The following DHRSX variants were observed in gnomAD, a reference collection of about 807,000 sequenced individuals.
DHRSX encodes the protein dehydrogenase/reductase X-linked, also known as polyprenol dehydrogenase.
In DHRSX, 31 loss-of-function variants were observed where a neutral mutation model predicts 34.0. The ratio of observed to expected loss-of-function variants is 0.91; its 90% CI spans 0.69 to 1.23. The LOEUF is 1.23. DHRSX is among the 50% of genes most tolerant of loss of function. The probability of loss-of-function intolerance (pLI) is 0.00; values close to 1 mark genes in which losing one functional copy is unlikely to be tolerated. For synonymous variants in DHRSX, 201 were observed against 183.8 expected, an observed-to-expected ratio of 1.09 and a Z score of -0.76; for missense variants, 414 against 428.1, an observed-to-expected ratio of 0.97 and a Z score of 0.29.
intron 3 of DHRSX, among the ~76,000 whole-genome samples, chrX:2,384,441 C>T (rs1455864757): frequency 2.0e-5 from 3 of 151,966 alleles, no homozygotes; most frequent in Non-Finnish European, 2.9e-5. Context: ...TACGAGGAAA[C>T]GCTGAGGAAA....
At chrX:2,346,422 T>C (rs1403595945) in intron 3 of DHRSX, among the ~76,000 whole-genome samples, 1 of 152,094 alleles carries the variant, frequency 6.6e-6, no homozygotes. Context: ...TGCAAATCAG[T>C]GTATTTTTCA....
intron 3 of DHRSX, among the ~76,000 whole-genome samples, chrX:2,381,243 TGAGGGTGG>T (rs1228276145): frequency 6.6e-6 from 1 of 152,150 alleles, no homozygotes; most frequent in Non-Finnish European, 1.5e-5. Flanking sequence ...GATGAGGTCA[TGAGGGTGG>T]GGCCTCAGGA....
intron 5 of DHRSX, among the ~76,000 whole-genome samples, chrX:2,249,000 T>C (rs1402799130): frequency 6.6e-6 from 1 of 152,146 alleles, no homozygotes; most frequent in African/African-American, 2.4e-5. Context: ...CTTTTGCAAG[T>C]TGATTTTTCA....
Position 2,388,956 on chromosome X carries a change from G to A in DHRSX, c.286+19789C>T, listed in dbSNP as rs191074226. 9.3e-3 allele frequency among the ~76,000 whole-genome samples: 1,418 copies of A among 152,274 alleles called. 85 individuals carry two copies. The East Asian group carries it at 0.11, about 11-fold the overall frequency. ...TGTGAGGACACAGGGAGAAGACGGCGTCTACAAGCCAGAGAGAAAGCAAGC... is the reference window on the plus strand; with the variant it reads ...TGTGAGGACACAGGGAGAAGACGGCATCTACAAGCCAGAGAGAAAGCAAGC... On this transcript the variant is annotated intron_variant, in intron 3 of 6. Coordinates refer to ENST00000334651, the MANE Select transcript of DHRSX (RefSeq NM_145177.3).
intron 3 of DHRSX, among the ~76,000 whole-genome samples, chrX:2,306,525 G>A (rs193275531): frequency 6.6e-5 from 10 of 150,650 alleles, no homozygotes; most frequent in African/African-American, 2.2e-4. Context: ...GCAGTGGTGC[G>A]ATCTTGGCTC....
chrX:2,459,604 C>T (rs781169013), intron 1 of DHRSX, among the ~76,000 whole-genome samples: 79 of 146,658 alleles, frequency 5.4e-4, no homozygotes, highest in South Asian at 3.3e-3. Flanking sequence ...TATATATATA[C>T]ACACACACAC....
At chrX:2,352,185 C>A (rs751783535) in intron 3 of DHRSX, among the ~76,000 whole-genome samples, 1 of 152,108 alleles carries the variant, frequency 6.6e-6, no homozygotes, top group South Asian at 2.1e-4. Flanking sequence ...CCTGGAGGCA[C>A]ACTCAACCCT....
chrX:2,391,181 G>A (rs1285610762), intron 3 of DHRSX, among the ~76,000 whole-genome samples: 2 of 152,206 alleles, frequency 1.3e-5, no homozygotes. Flanking sequence ...CCCAGCAGTG[G>A]AATTCCTGGT....
At chrX:2,293,993 CAG>C (rs897587725) in intron 3 of DHRSX, among the ~76,000 whole-genome samples, 78 of 150,970 alleles carry the variant, frequency 5.2e-4, no homozygotes, top group African/African-American at 1.8e-3. Context: ...CACTCACCAT[CAG>C]AGAGAGAGAA....
rs780533250 is a variant in DHRSX at position 2,244,302 on chromosome X, C to CCTCTCTCTCT, written c.597-1082_597-1073dup. ...TAACCGCGGTAAAGTGAGTAACGTGCCTCTCTCTCTCTCTCTGGTAACCTC... is the reference window on the plus strand; with the variant it reads ...TAACCGCGGTAAAGTGAGTAACGTGCCTCTCTCTCTCTCTCTCTCTCTCTCTGGTAACCTC... On this transcript the variant is annotated intron_variant, in intron 5 of 6. Transcript: ENST00000334651. Among the ~76,000 whole-genome samples, 1,503 of 150,632 alleles carry CCTCTCTCTCT rather than the reference C, an allele frequency of 1.0e-2. 14 individuals are homozygous for CCTCTCTCTCT. The highest frequency in any genetic ancestry group is 0.028 in the African/African-American group (1,164 of 41,170).
chrX:2,329,869 A>T (rs1277390651), intron 3 of DHRSX, among the ~76,000 whole-genome samples: 1 of 151,958 alleles, frequency 6.6e-6, no homozygotes, highest in Non-Finnish European at 1.5e-5. Context: ...GATGAAACAC[A>T]CAAGTATCAG....
chrX:2,444,210 T>C lies in DHRSX; in HGVS notation c.110-18906A>G, dbSNP rs756786326. On this transcript the variant is annotated intron_variant, in intron 1 of 6. Coordinates refer to ENST00000334651, the MANE Select transcript of DHRSX (RefSeq NM_145177.3). ...ATTTCATTGATACATGTTTCTGCCTTCTTGGTGATCCCAAATACAACAATT... is the reference window on the plus strand; with the variant it reads ...ATTTCATTGATACATGTTTCTGCCTCCTTGGTGATCCCAAATACAACAATT... 1.4e-4 allele frequency among the ~76,000 whole-genome samples: 22 copies of C among 152,298 alleles called. No homozygotes were observed. In the South Asian group the frequency reaches 4.6e-3, roughly 32 times the overall value.
chrX:2,399,314 A>G (rs1316778442), intron 3 of DHRSX, among the ~76,000 whole-genome samples: 1 of 152,032 alleles, frequency 6.6e-6, no homozygotes, highest in African/African-American at 2.4e-5. Flanking sequence ...ATGCCTGTCT[A>G]CAGCCTGACT....
intron 5 of DHRSX, among the ~76,000 whole-genome samples, chrX:2,244,423 A>G (rs1431198350): frequency 6.6e-6 from 1 of 152,136 alleles, no homozygotes; most frequent in Non-Finnish European, 1.5e-5. Flanking sequence ...CTTTTTAAAG[A>G]GATGTTATTT....
chrX:2,238,731 G>A (rs2016073800), intron 6 of DHRSX, among the ~76,000 whole-genome samples: 1 of 150,782 alleles, frequency 6.6e-6, no homozygotes, highest in African/African-American at 2.4e-5. Flanking sequence ...TGACACACAC[G>A]CGCCACCACA....
intron 1 of DHRSX, among the ~76,000 whole-genome samples, chrX:2,474,559 G>C (rs66601494): frequency 0.21 from 31,250 of 151,346 alleles, 4,310 homozygotes; most frequent in African/African-American, 0.39. Flanking sequence ...TGGCCCAAGG[G>C]ACTGCCACGC....
chrX:2,276,747 G>GGA (rs373805018), intron 4 of DHRSX, among the ~76,000 whole-genome samples: 3 of 148,646 alleles, frequency 2.0e-5, no homozygotes, highest in Non-Finnish European at 3.0e-5. Flanking sequence ...GAGAGAGAGA[G>GGA]GAGAGAGAGA....
intron 3 of DHRSX, among the ~76,000 whole-genome samples, chrX:2,314,928 C>G (rs2042224261): frequency 6.6e-6 from 1 of 152,042 alleles, no homozygotes; most frequent in African/African-American, 2.4e-5. Flanking sequence ...GATGCCAAAG[C>G]GAGGGAATCA....
At chrX:2,413,250 G>C (rs1224987376) in intron 2 of DHRSX, among the ~76,000 whole-genome samples, 1 of 152,066 alleles carries the variant, frequency 6.6e-6, no homozygotes, top group Non-Finnish European at 1.5e-5. Flanking sequence ...GTGCTAGGGG[G>C]GTGGGTTGCT....
Sources: gnomAD v4.1 joint callset for allele counts (sites outside exome capture counted in the v4.1 genomes callset) on GRCh38, gnomAD v4.1.1 for gene constraint, MANE v1.5 for transcripts, NCBI Gene and HGNC (gene_info 2026-07-23, HGNC 2026-07-21) for gene names.